Variants in TFAP2D observed in about 807,000 individuals in gnomAD.
TFAP2D encodes transcription factor AP-2-delta.
TFAP2D carries 9 observed loss-of-function variants against 43.6 expected under a neutral mutation model. That is an observed-to-expected ratio of 0.21 (90% CI 0.12 to 0.36). The LOEUF (loss-of-function observed/expected upper bound fraction) is 0.36, where lower values mean the gene tolerates loss of function less well. Among genes scored for constraint, TFAP2D ranks in the 10% least tolerant of loss-of-function variants. The probability of loss-of-function intolerance (pLI) is 1.00; values close to 1 mark genes in which losing one functional copy is unlikely to be tolerated. For synonymous variants in TFAP2D, 256 were observed against 224.9 expected (o/e 1.14, Z -1.24); for missense variants, 513 against 561.4 (o/e 0.91, Z 0.87).
chr6:50,750,851 A>G (rs1348277797), intron 6 of TFAP2D, among the ~76,000 whole-genome samples: 1 of 152,030 alleles, frequency 6.6e-6, no homozygotes, highest in African/African-American at 2.4e-5. Flanking sequence ...TTGTTTACAG[A>G]TATTATGTCT....
chr6:50,756,893 T>A (rs1287278615), intron 7 of TFAP2D, among the ~76,000 whole-genome samples: 1 of 151,952 alleles, frequency 6.6e-6, no homozygotes, highest in Non-Finnish European at 1.5e-5. Flanking sequence ...AGCCCTAACT[T>A]TTTTGAAATG....
chr6:50,741,738 G>T (rs1241659290), intron 5 of TFAP2D, among the ~76,000 whole-genome samples: 1 of 148,232 alleles, frequency 6.7e-6, no homozygotes, highest in East Asian at 2.0e-4. Context: ...GCAATACATT[G>T]AAATAAAGGG....
intron 5 of TFAP2D, among the ~76,000 whole-genome samples, chr6:50,739,554 C>A (rs947236186): frequency 1.3e-5 from 2 of 152,074 alleles, no homozygotes; most frequent in Admixed American, 6.6e-5. Flanking sequence ...ATGGGAGTAG[C>A]AAGGGTTGAG....
intron 3 of TFAP2D, among the ~76,000 whole-genome samples, chr6:50,724,937 G>A (rs1265360376): frequency 6.6e-6 from 1 of 152,094 alleles, no homozygotes; most frequent in Non-Finnish European, 1.5e-5. Context: ...AAGGTGGGGA[G>A]ATAAGTAGAG....
At chr6:50,714,152 C>G in intron 1 of TFAP2D, 58 bp downstream of exon 1, 1 of 1,494,884 alleles carries the variant, frequency 6.7e-7, no homozygotes, top group Non-Finnish European at 9.0e-7. Context: ...GCGGCGGCGG[C>G]GGTGGCGGCG....
intron 5 of TFAP2D, among the ~76,000 whole-genome samples, chr6:50,742,552 A>G (rs1254650441): frequency 6.7e-6 from 1 of 150,354 alleles, no homozygotes; most frequent in Non-Finnish European, 1.5e-5. Context: ...GGATGGGTGG[A>G]TGGACACATA....
At chr6:50,730,159 T>C (rs1354841027) in intron 5 of TFAP2D, among the ~76,000 whole-genome samples, 1 of 152,192 alleles carries the variant, frequency 6.6e-6, no homozygotes, top group African/African-American at 2.4e-5. Context: ...TTTGTCTATA[T>C]GGCACTGTAG....
intron 7 of TFAP2D, among the ~76,000 whole-genome samples, chr6:50,761,043 A>T (rs1221313923): frequency 6.6e-6 from 1 of 151,430 alleles, no homozygotes; most frequent in African/African-American, 2.4e-5. Flanking sequence ...GGAAAAGGAG[A>T]TTTGTCTTCC....
At chr6:50,752,559 T>C (rs1258855205) in intron 7 of TFAP2D, among the ~76,000 whole-genome samples, 1 of 151,952 alleles carries the variant, frequency 6.6e-6, no homozygotes, top group East Asian at 1.9e-4. Context: ...AGTGTTTAAA[T>C]AAGTTGAAAT....
chr6:50,740,785 T>C (rs1769032962), intron 5 of TFAP2D, among the ~76,000 whole-genome samples: 1 of 152,268 alleles, frequency 6.6e-6, no homozygotes, highest in Admixed American at 6.5e-5. Flanking sequence ...GAAAGTCAGG[T>C]ATATTTATTT....
Position 50,713,959 on chromosome 6 carries a change from C to T in TFAP2D, c.-97C>T, listed in dbSNP as rs190705295. 2.8e-5 allele frequency: 43 copies of T among 1,551,924 alleles called. No individual in the cohort carries two copies. In the Admixed American group the frequency reaches 3.6e-4, roughly 13 times the overall value. ...CTACCTATAGAACATTTTTTTTTTC[C>T]TTTAAAAATTGGAAAATACAAGAAG... On this transcript the variant is annotated 5_prime_UTR_variant, in exon 1 of 8. Transcript: ENST00000008391.
intron 5 of TFAP2D, among the ~76,000 whole-genome samples, chr6:50,739,143 A>T (rs1261303775): frequency 2.0e-5 from 3 of 152,128 alleles, no homozygotes; most frequent in Non-Finnish European, 2.9e-5. Flanking sequence ...ACATATGTAT[A>T]CATGTGCCAT....
At chr6:50,721,353 CG>C (rs1768721694) in intron 3 of TFAP2D, among the ~76,000 whole-genome samples, 1 of 152,128 alleles carries the variant, frequency 6.6e-6, no homozygotes, top group Non-Finnish European at 1.5e-5. Flanking sequence ...TCCATTTCCA[CG>C]TGTCTTAGAG....
intron 5 of TFAP2D, among the ~76,000 whole-genome samples, chr6:50,742,612 A>AGATAGAT (rs1769064457): frequency 6.6e-6 from 1 of 151,554 alleles, no homozygotes; most frequent in Admixed American, 6.6e-5. Context: ...ATAGATAGAT[A>AGATAGAT]GATAGATAGA....
At chr6:50,755,771 G>A (rs527847961) in intron 7 of TFAP2D, among the ~76,000 whole-genome samples, 35 of 152,030 alleles carry the variant, frequency 2.3e-4, no homozygotes, top group Non-Finnish European at 4.6e-4. Flanking sequence ...AACATAAAGA[G>A]ACTCCATCTC....
chr6:50,770,433 A>G (rs1244699659), intron 7 of TFAP2D, among the ~76,000 whole-genome samples: 1 of 151,686 alleles, frequency 6.6e-6, no homozygotes, highest in Non-Finnish European at 1.5e-5. Flanking sequence ...TCTTTTTAAT[A>G]TATGTTAACT....
chr6:50,768,273 CTTTT>C (rs67686384), intron 7 of TFAP2D, among the ~76,000 whole-genome samples: 3 of 77,278 alleles, frequency 3.9e-5, no homozygotes, highest in African/African-American at 5.0e-5. Flanking sequence ...TTCTAATTTT[CTTTT>C]TTTTTTTTTT....
chr6:50,713,780 C>T lies in TFAP2D; in HGVS notation c.-276C>T. The T allele has an allele frequency of 1.8e-6, 1 of 544,222 alleles. No homozygotes were observed. Among genetic ancestry groups the T allele is most frequent in the Non-Finnish European group, 3.2e-6 (1 of 311,978 alleles). 33.7% of individuals were successfully genotyped at this position (544,222 alleles called of 1,614,324 possible). A position where few individuals can be genotyped will look rare whatever the true frequency, so the allele number is the denominator to read the frequency against. ...TCAAAACTTCTATATTACCAAGGGA[C>T]CTACGACATCAGCCAAAGAAATACT... On this transcript the variant is annotated 5_prime_UTR_variant, in exon 1 of 8. Transcript: ENST00000008391.
Position 50,770,316 on chromosome 6 carries a change from A to G in TFAP2D, c.1140-2329A>G, listed in dbSNP as rs989058881. Among the ~76,000 whole-genome samples the G allele has an allele frequency of 2.6e-5, 4 of 152,320 alleles. No individual in the cohort carries two copies. The East Asian group carries it at 7.7e-4, about 29-fold the overall frequency. On this transcript the variant is annotated intron_variant, in intron 7 of 7. Coordinates refer to ENST00000008391, the MANE Select transcript of TFAP2D (RefSeq NM_172238.4). ...GACCTTGTAGCAGAGGTGTGGATAT[A>G]GTAGTTGAGCAGTGATGATGTCTTA...
Sources: allele counts gnomAD v4.1 joint callset (sites outside exome capture counted in the v4.1 genomes callset), GRCh38; gene constraint gnomAD v4.1.1; transcripts MANE v1.5; gene names NCBI Gene and HGNC (gene_info 2026-07-23, HGNC 2026-07-21).